Variants in SBF2 observed in about 807,000 individuals in gnomAD.
The protein encoded by SBF2 is myotubularin-related protein 13.
In SBF2, 112 loss-of-function variants were observed where a neutral mutation model predicts 225.2. That is an observed-to-expected ratio of 0.50 (90% CI 0.43 to 0.58). The LOEUF (loss-of-function observed/expected upper bound fraction) is 0.58. Ranked by LOEUF, SBF2 falls within the 20% of genes least tolerant of loss-of-function variation. The pLI is 0.00. For synonymous variants in SBF2, 763 were observed against 773.3 expected (o/e 0.99, Z 0.22); for missense variants, 1,996 against 2,206.2 (o/e 0.90, Z 1.91).
At chr11:10,135,916 C>G (rs1954324701) in intron 2 of SBF2, among the ~76,000 whole-genome samples, 1 of 152,132 alleles carries the variant, frequency 6.6e-6, no homozygotes, top group Non-Finnish European at 1.5e-5. Context: ...GCCCCACTCT[C>G]CTGGTACCAA....
chr11:10,146,494 T>C (rs75463597), intron 2 of SBF2, among the ~76,000 whole-genome samples: 2,905 of 152,246 alleles, frequency 0.019, 88 homozygotes, highest in African/African-American at 0.055. Context: ...ATTTAACAAA[T>C]AGTGCTGCAA....
intron 17 of SBF2, among the ~76,000 whole-genome samples, chr11:9,861,305 C>T (rs146831123): frequency 6.2e-4 from 94 of 152,216 alleles, no homozygotes; most frequent in African/African-American, 2.2e-3. Context: ...AGGGATTCTC[C>T]CGCCTTAACC....
At chr11:10,146,172 C>G (rs1198684592) in intron 2 of SBF2, among the ~76,000 whole-genome samples, 1 of 152,140 alleles carries the variant, frequency 6.6e-6, no homozygotes, top group South Asian at 2.1e-4. Context: ...AGATTTAATG[C>G]TATTCCTATC....
chr11:10,200,895 A>G (rs932048618), intron 1 of SBF2, among the ~76,000 whole-genome samples: 5 of 152,212 alleles, frequency 3.3e-5, no homozygotes, highest in African/African-American at 1.2e-4. Flanking sequence ...AAATTCATCA[A>G]TATTGGCATA....
At chr11:10,096,317 G>A (rs140796881) in intron 2 of SBF2, among the ~76,000 whole-genome samples, 24 of 150,464 alleles carry the variant, frequency 1.6e-4, no homozygotes, top group Middle Eastern at 3.4e-3. Context: ...TCAAGATTTT[G>A]CTTTGATTGA....
rs143422150 is a variant in SBF2 at position 10,052,787 on chromosome 11, T to C, written c.142-9806A>G. Among the ~76,000 whole-genome samples the C allele has an allele frequency of 1.3e-3, 191 of 152,292 alleles. 1 individual carries two copies. Among genetic ancestry groups the C allele is most frequent in the Middle Eastern group, 3.4e-3 (1 of 292 alleles). On this transcript the variant is annotated intron_variant, in intron 2 of 39. Coordinates refer to ENST00000256190, the MANE Select transcript of SBF2 (RefSeq NM_030962.4). ...AAACCAAGACTGTTAGACATTAAGGTCATAAAGAGTTTGTGGCACTGGCAG... is the reference window on the plus strand; with the variant it reads ...AAACCAAGACTGTTAGACATTAAGGCCATAAAGAGTTTGTGGCACTGGCAG...
Position 10,124,868 on chromosome 11 carries a change from G to T in SBF2, c.141+69034C>A, listed in dbSNP as rs377291633. Among the ~76,000 whole-genome samples, 52 of 152,190 alleles carry T rather than the reference G, an allele frequency of 3.4e-4. No homozygotes were observed. In the East Asian group the frequency reaches 9.1e-3, roughly 27 times the overall value. ...GCCTGTAATCTCAGCACTTTGGGAG[G>T]CCGAGGCAGGCGGATCACCTGAGGT... On this transcript the variant is annotated intron_variant, in intron 2 of 39. Transcript: ENST00000256190.
intron 2 of SBF2, among the ~76,000 whole-genome samples, chr11:10,137,917 T>G (rs1193363018): frequency 6.6e-6 from 1 of 152,024 alleles, no homozygotes; most frequent in African/African-American, 2.4e-5. Flanking sequence ...GGAGAATCGC[T>G]TGAACCCAGG....
At chr11:9,821,368 TC>T (rs1351338941) in intron 28 of SBF2, among the ~76,000 whole-genome samples, 1 of 152,076 alleles carries the variant, frequency 6.6e-6, no homozygotes, top group African/African-American at 2.4e-5. Flanking sequence ...TATTAAGGAC[TC>T]CCCCAAACAG....
At chr11:10,188,270 T>C (rs935084750) in intron 2 of SBF2, among the ~76,000 whole-genome samples, 1 of 152,168 alleles carries the variant, frequency 6.6e-6, no homozygotes, top group African/African-American at 2.4e-5. Flanking sequence ...AAAAAGGAAC[T>C]GGAACTTAAG....
At chr11:9,953,400 G>C (rs1200424704) in intron 16 of SBF2, among the ~76,000 whole-genome samples, 2 of 151,864 alleles carry the variant, frequency 1.3e-5, no homozygotes, top group Non-Finnish European at 2.9e-5. Context: ...CCGAGATCAC[G>C]CCACTGCATT....
At chr11:9,850,353 T>A in intron 21 of SBF2, 135 bp from the exon 22 acceptor site, 1 of 808,862 alleles carries the variant, frequency 1.2e-6, no homozygotes, top group Non-Finnish European at 2.1e-6. Flanking sequence ...ACTCCTGGGC[T>A]CAAAAGATCC....
intron 16 of SBF2, among the ~76,000 whole-genome samples, chr11:9,948,546 T>G (rs891854758): frequency 2.0e-5 from 3 of 152,188 alleles, no homozygotes; most frequent in Non-Finnish European, 4.4e-5. Flanking sequence ...GCCCTACTCC[T>G]GCTGCTAGCC....
At chr11:9,789,594 T>C (rs1267152793) in intron 34 of SBF2, among the ~76,000 whole-genome samples, 4 of 152,360 alleles carry the variant, frequency 2.6e-5, no homozygotes, top group South Asian at 2.1e-4. Flanking sequence ...TAGAGAATTC[T>C]TGGATTCCTC....
chr11:9,932,061 T>A (rs974843755), intron 16 of SBF2, among the ~76,000 whole-genome samples: 2 of 152,028 alleles, frequency 1.3e-5, no homozygotes, highest in Non-Finnish European at 2.9e-5. Context: ...TGAAATAAAG[T>A]GAGAAGACAA....
intron 6 of SBF2, among the ~76,000 whole-genome samples, chr11:10,020,631 A>C (rs1218324076): frequency 6.6e-6 from 1 of 152,152 alleles, no homozygotes; most frequent in Non-Finnish European, 1.5e-5. Context: ...CCCTTGGCTG[A>C]ATTTTTTCTT....
chr11:9,907,512 T>A (rs1441503240), intron 16 of SBF2, among the ~76,000 whole-genome samples: 1 of 152,186 alleles, frequency 6.6e-6, no homozygotes, highest in Non-Finnish European at 1.5e-5. Flanking sequence ...GGCAAAAGGA[T>A]TTTTTTATTA....
chr11:9,914,000 A>C (rs936608006), intron 16 of SBF2, among the ~76,000 whole-genome samples: 2 of 152,226 alleles, frequency 1.3e-5, no homozygotes, highest in Non-Finnish European at 2.9e-5. Flanking sequence ...CCACCACACC[A>C]GGCCTTATAG....
chr11:9,857,738 A>T (rs960055440), intron 18 of SBF2, among the ~76,000 whole-genome samples: 16 of 152,174 alleles, frequency 1.1e-4, no homozygotes, highest in African/African-American at 3.9e-4. Context: ...TGATTTTTAA[A>T]TTTTTTTGAT....
Sources: allele counts gnomAD v4.1 joint callset (sites outside exome capture counted in the v4.1 genomes callset), GRCh38; gene constraint gnomAD v4.1.1; transcripts MANE v1.5; gene names NCBI Gene and HGNC (gene_info 2026-07-23, HGNC 2026-07-21).